Variants in PLCG2 observed in about 807,000 individuals in gnomAD.
PLCG2 encodes the protein phospholipase C gamma 2, also known as 1-phosphatidylinositol 4,5-bisphosphate phosphodiesterase gamma-2.
In PLCG2, 69 loss-of-function variants were observed where a neutral mutation model predicts 175.6. The observed-to-expected ratio is 0.39, with a 90% CI of 0.32 to 0.48. PLCG2 has a LOEUF of 0.48. PLCG2 is among the 20% of genes least tolerant of loss of function. PLCG2 has a pLI of 0.91. For synonymous variants in PLCG2, 827 were observed against 624.0 expected (o/e 1.33, Z -4.85); for missense variants, 1,798 against 1,650.9 (o/e 1.09, Z -1.54).
intron 12 of PLCG2, among the ~76,000 whole-genome samples, chr16:81,895,177 C>G (rs1477220205): frequency 6.6e-6 from 1 of 152,200 alleles, no homozygotes; most frequent in African/African-American, 2.4e-5. Flanking sequence ...TTTCTCATTG[C>G]TCTGTATCAT....
intron 2 of PLCG2, among the ~76,000 whole-genome samples, chr16:81,765,592 G>C (rs913881701): frequency 6.6e-6 from 1 of 152,176 alleles, no homozygotes; most frequent in Non-Finnish European, 1.5e-5. Flanking sequence ...GGTGGTGCTA[G>C]TGCCCTCCAG....
chr16:81,768,582 C>CT (rs1468154957), intron 2 of PLCG2, among the ~76,000 whole-genome samples: 1 of 112,858 alleles, frequency 8.9e-6, no homozygotes, highest in Non-Finnish European at 1.8e-5. Flanking sequence ...TTTTTTTTCC[C>CT]GAGATGGAGT....
intron 1 of PLCG2, among the ~76,000 whole-genome samples, chr16:81,745,993 T>C (rs1381308822): frequency 6.6e-6 from 1 of 152,096 alleles, no homozygotes; most frequent in African/African-American, 2.4e-5. Flanking sequence ...AGGGAGCAAG[T>C]GTGTAAAGGA....
At chr16:81,793,280 G>C (rs965602267) in intron 2 of PLCG2, among the ~76,000 whole-genome samples, 2 of 152,204 alleles carry the variant, frequency 1.3e-5, no homozygotes, top group African/African-American at 4.8e-5. Flanking sequence ...TGGTACTGTT[G>C]GGCATGTTGG....
At chr16:81,808,346 G>A (rs1306290993) in intron 2 of PLCG2, among the ~76,000 whole-genome samples, 3 of 152,116 alleles carry the variant, frequency 2.0e-5, no homozygotes, top group African/African-American at 7.2e-5. Flanking sequence ...AGTGTCCTGA[G>A]GTCAGAATGT....
Position 81,819,830 on chromosome 16 carries a change from C to T in PLCG2, c.193+33648C>T, listed in dbSNP as rs954879926. ...CGAACTCCTGACCTTGTGATCTGCC[C>T]GCCTCAGCCTCCCAAAGTGCTGGGA... On this transcript the variant is annotated intron_variant, in intron 2 of 32. Coordinates refer to ENST00000564138, the MANE Select transcript of PLCG2 (RefSeq NM_002661.5). Among the ~76,000 whole-genome samples the T allele has an allele frequency of 3.9e-5, 6 of 152,118 alleles. No individual in the cohort carries two copies. The East Asian group carries it at 5.8e-4, about 15-fold the overall frequency.
chr16:81,747,634 A>G (rs1224656290), intron 1 of PLCG2, among the ~76,000 whole-genome samples: 1 of 152,212 alleles, frequency 6.6e-6, no homozygotes, highest in South Asian at 2.1e-4. Flanking sequence ...ATCAATTGTG[A>G]TGTATCCATA....
chr16:81,885,045 G>A (rs946278736), intron 9 of PLCG2, among the ~76,000 whole-genome samples: 3 of 125,856 alleles, frequency 2.4e-5, no homozygotes. Context: ...GTGCCACCAT[G>A]CCTGACAATT....
At chr16:81,940,252 G>T (rs1020440608) in intron 30 of PLCG2, among the ~76,000 whole-genome samples, 193 bp downstream of exon 30, 3 of 152,192 alleles carry the variant, frequency 2.0e-5, no homozygotes, top group African/African-American at 7.2e-5. Flanking sequence ...GGTGACAGGG[G>T]AGGCTATGCC....
chr16:81,937,113 C>T (rs1263564761), intron 27 of PLCG2, among the ~76,000 whole-genome samples: 1 of 152,230 alleles, frequency 6.6e-6, no homozygotes, highest in Non-Finnish European at 1.5e-5. Flanking sequence ...CTGAGGAAAA[C>T]CACTGAAGAC....
chr16:81,881,419 G>A (rs1325774011), intron 8 of PLCG2, among the ~76,000 whole-genome samples: 2 of 152,230 alleles, frequency 1.3e-5, no homozygotes, highest in African/African-American at 4.8e-5. Flanking sequence ...AGTCAGAGTT[G>A]CAGGACTTAT....
chr16:81,902,559 C>G (rs1435416881), intron 14 of PLCG2, among the ~76,000 whole-genome samples: 1 of 152,096 alleles, frequency 6.6e-6, no homozygotes, highest in East Asian at 1.9e-4. Flanking sequence ...GGGCACCATT[C>G]CCATTGTTGA....
chr16:81,931,737 G>T, intron 25 of PLCG2, 83 bp downstream of exon 25: 1 of 1,248,236 alleles, frequency 8.0e-7, no homozygotes, highest in Non-Finnish European at 1.1e-6. Flanking sequence ...GTGGGTCCAG[G>T]CAGCAGGATG....
At chr16:81,885,053 ATT>A (rs36126447) in intron 9 of PLCG2, among the ~76,000 whole-genome samples, 10,109 of 139,184 alleles carry the variant, frequency 0.073, 360 homozygotes, top group South Asian at 0.12. Context: ...ATGCCTGACA[ATT>A]TTTTTTTTTT....
chr16:81,885,080 C>T (rs1038769004), intron 9 of PLCG2, among the ~76,000 whole-genome samples: 2 of 147,680 alleles, frequency 1.4e-5, no homozygotes, highest in African/African-American at 5.0e-5. Context: ...GAGATAGAGT[C>T]TTGCTCTGTC....
chr16:81,815,853 G>A (rs1904520046), intron 2 of PLCG2, among the ~76,000 whole-genome samples: 1 of 152,094 alleles, frequency 6.6e-6, no homozygotes, highest in Non-Finnish European at 1.5e-5. Flanking sequence ...TTGAGGTCAG[G>A]AGTTCGAGAC....
At chr16:81,898,257 G>A (rs1908984591) in intron 13 of PLCG2, 1 of 153,296 alleles carries the variant, frequency 6.5e-6, no homozygotes, top group Non-Finnish European at 1.5e-5. Context: ...AAACATTAAT[G>A]CATTAATGTT....
chr16:81,774,080 C>G (rs1311519932), intron 2 of PLCG2, among the ~76,000 whole-genome samples: 1 of 147,692 alleles, frequency 6.8e-6, no homozygotes, highest in Non-Finnish European at 1.5e-5. Flanking sequence ...GCCTGTAATC[C>G]TAGCACTTTG....
At chr16:81,905,935 T>G (rs893779115) in intron 15 of PLCG2, among the ~76,000 whole-genome samples, 13 of 152,238 alleles carry the variant, frequency 8.5e-5, no homozygotes, top group African/African-American at 1.4e-4. Context: ...GCTGAGATTA[T>G]AGGCGTAAGC....
Sources: allele counts gnomAD v4.1 joint callset (sites outside exome capture counted in the v4.1 genomes callset), GRCh38; gene constraint gnomAD v4.1.1; transcripts MANE v1.5; gene names NCBI Gene and HGNC (gene_info 2026-07-23, HGNC 2026-07-21).